Variants in JAKMIP2 observed in about 807,000 individuals in gnomAD.
JAKMIP2 encodes janus kinase and microtubule-interacting protein 2.
In JAKMIP2, 25 loss-of-function variants were observed where a neutral mutation model predicts 115.0. That is an observed-to-expected ratio of 0.22 (90% confidence interval 0.16 to 0.30). The LOEUF (loss-of-function observed/expected upper bound fraction) is 0.30. JAKMIP2 is among the 10% of genes least tolerant of loss of function. The pLI, the probability that JAKMIP2 is intolerant of heterozygous loss-of-function variation, is 1.00. For missense variants in JAKMIP2, 642 were observed against 957.6 expected (o/e 0.67, Z 4.35); for synonymous variants, 334 against 343.6 (o/e 0.97, Z 0.31).
intron 1 of JAKMIP2, among the ~76,000 whole-genome samples, chr5:147,748,721 G>C (rs1281553780): frequency 6.6e-6 from 1 of 152,220 alleles, no homozygotes; most frequent in Non-Finnish European, 1.5e-5. Context: ...TAAAAGCTTA[G>C]GGTGGGGGTG....
intron 1 of JAKMIP2, among the ~76,000 whole-genome samples, chr5:147,695,594 A>G (rs1752068434): frequency 6.6e-6 from 1 of 152,098 alleles, no homozygotes; most frequent in South Asian, 2.1e-4. Context: ...GCTTCTGACC[A>G]GCAAGTAAGG....
intron 1 of JAKMIP2, among the ~76,000 whole-genome samples, chr5:147,744,350 A>G (rs1205199214): frequency 2.0e-5 from 3 of 152,270 alleles, no homozygotes; most frequent in South Asian, 4.1e-4. Context: ...TGACACCATT[A>G]AGATCACACC....
chr5:147,698,632 G>C (rs1014559086), intron 1 of JAKMIP2, among the ~76,000 whole-genome samples: 3 of 152,058 alleles, frequency 2.0e-5, no homozygotes, highest in African/African-American at 7.2e-5. Context: ...AGATCTGATG[G>C]TCTTATTAGG....
intron 16 of JAKMIP2, among the ~76,000 whole-genome samples, chr5:147,627,952 T>C (rs1179784064): frequency 6.6e-6 from 1 of 152,102 alleles, no homozygotes; most frequent in Non-Finnish European, 1.5e-5. Context: ...AGAGAGCTGA[T>C]TGCTTGCTCT....
At chr5:147,672,826 A>G (rs539565640) in intron 1 of JAKMIP2, among the ~76,000 whole-genome samples, 2 of 152,226 alleles carry the variant, frequency 1.3e-5, no homozygotes, top group Non-Finnish European at 2.9e-5. Flanking sequence ...CACAACAGAG[A>G]GAAATCACAG....
intron 1 of JAKMIP2, among the ~76,000 whole-genome samples, chr5:147,729,773 C>CAA (rs368040956): frequency 0.016 from 1,341 of 83,898 alleles, 29 homozygotes; most frequent in African/African-American, 0.048. Context: ...GACTCTGTCT[C>CAA]AAAAAAAAAA....
At chr5:147,746,106 T>C (rs1327804972) in intron 1 of JAKMIP2, among the ~76,000 whole-genome samples, 7 of 152,128 alleles carry the variant, frequency 4.6e-5, no homozygotes, top group Non-Finnish European at 8.8e-5. Context: ...AGGATCCAAG[T>C]TGGAAAAATC....
At chr5:147,747,502 T>C (rs913678271) in intron 1 of JAKMIP2, among the ~76,000 whole-genome samples, 1 of 152,152 alleles carries the variant, frequency 6.6e-6, no homozygotes, top group Non-Finnish European at 1.5e-5. Flanking sequence ...GACTCTGATC[T>C]GATGCAGTCT....
intron 10 of JAKMIP2, among the ~76,000 whole-genome samples, chr5:147,639,244 T>C (rs1436483841): frequency 6.6e-6 from 1 of 152,194 alleles, no homozygotes; most frequent in African/African-American, 2.4e-5. Flanking sequence ...TAAGTTGTCA[T>C]ACGTAAACGC....
At chr5:147,707,528 C>T (rs1351134421) in intron 1 of JAKMIP2, among the ~76,000 whole-genome samples, 1 of 152,084 alleles carries the variant, frequency 6.6e-6, no homozygotes, top group Non-Finnish European at 1.5e-5. Context: ...ACGCAGCCCC[C>T]TCCTAGGCCC....
At position 147,782,621 on chromosome 5, in the gene JAKMIP2, C is replaced by A; in HGVS notation, c.-314G>T. ...GGCGATGGTGCGAATAGGAACCACC[C>A]TTCCAGCCCCACTAGAGTATCAGCA... On this transcript the variant is annotated 5_prime_UTR_variant, in exon 1 of 22. In the 5' UTR this introduces an upstream ATG that the reference lacks. Transcript: ENST00000616793. The A allele has an allele frequency of 1.4e-6, 1 of 721,582 alleles. No individual in the cohort carries two copies. The highest frequency in any genetic ancestry group is 2.7e-5 in the East Asian group (1 of 37,046). 44.7% of individuals were successfully genotyped at this position (721,582 alleles called of 1,614,324 possible).
chr5:147,760,660 A>G (rs1182923357), intron 1 of JAKMIP2, among the ~76,000 whole-genome samples: 2 of 152,134 alleles, frequency 1.3e-5, no homozygotes, highest in Non-Finnish European at 2.9e-5. Context: ...AGGTGTAGAC[A>G]GCTTTGAGAG....
intron 1 of JAKMIP2, among the ~76,000 whole-genome samples, chr5:147,751,546 A>G (rs976480116): frequency 4.2e-5 from 5 of 117,698 alleles, no homozygotes; most frequent in Non-Finnish European, 6.5e-5. Flanking sequence ...CTTGTTTTGT[A>G]AAGTGTCTTT....
At chr5:147,740,738 G>A (rs1213034052) in intron 1 of JAKMIP2, among the ~76,000 whole-genome samples, 1 of 152,166 alleles carries the variant, frequency 6.6e-6, no homozygotes, top group Non-Finnish European at 1.5e-5. Flanking sequence ...CATAACCAGA[G>A]CTTAGCATAG....
At position 147,590,554 on chromosome 5, in the gene JAKMIP2, T is replaced by A. The variant is rs1375044207; in HGVS notation, c.*1153A>T. 1 of 152,192 alleles carries A rather than the reference T, an allele frequency of 6.6e-6. No individual in the cohort carries two copies. Among genetic ancestry groups the A allele is most frequent in the Non-Finnish European group, 1.5e-5 (1 of 68,030 alleles). 9.4% of individuals were successfully genotyped at this position (152,192 alleles called of 1,614,324 possible). ...AGAAGAGGTCAGAATGCTCTAGGCATGTGAGGATTCTTTAAAAAATAATAG... is the reference window on the plus strand; with the variant it reads ...AGAAGAGGTCAGAATGCTCTAGGCAAGTGAGGATTCTTTAAAAAATAATAG... On this transcript the variant is annotated 3_prime_UTR_variant, in exon 22 of 22. Transcript: ENST00000616793.
chr5:147,733,012 G>T (rs1324433052), intron 1 of JAKMIP2, among the ~76,000 whole-genome samples: 1 of 152,132 alleles, frequency 6.6e-6, no homozygotes, highest in African/African-American at 2.4e-5. Context: ...ATAGAGATTG[G>T]CTGTGCAAAA....
At chr5:147,639,138 T>C (rs1402263427) in intron 10 of JAKMIP2, among the ~76,000 whole-genome samples, 1 of 152,178 alleles carries the variant, frequency 6.6e-6, no homozygotes, top group Non-Finnish European at 1.5e-5. Context: ...GGCAATTCAA[T>C]TAACCTCTCT....
chr5:147,733,167 T>C (rs748804596), intron 1 of JAKMIP2, among the ~76,000 whole-genome samples: 1 of 152,226 alleles, frequency 6.6e-6, no homozygotes, highest in Non-Finnish European at 1.5e-5. Context: ...GGAATGCTTA[T>C]TGAGTAAATG....
chr5:147,598,519 C>A (rs1755527646), intron 21 of JAKMIP2, among the ~76,000 whole-genome samples: 1 of 151,970 alleles, frequency 6.6e-6, no homozygotes, highest in African/African-American at 2.4e-5. Flanking sequence ...TCTGGAGAAC[C>A]TGACTAATAC....
Sources: gnomAD v4.1 joint callset for allele counts (sites outside exome capture counted in the v4.1 genomes callset) on GRCh38, gnomAD v4.1.1 for gene constraint, MANE v1.5 for transcripts, NCBI Gene and HGNC (gene_info 2026-07-23, HGNC 2026-07-21) for gene names.